GMDS: variants seen among roughly 807,000 people sequenced by gnomAD.
GMDS encodes GDP-mannose 4,6-dehydratase, also known as GDP-mannose 4,6 dehydratase.
GMDS carries 20 observed loss-of-function variants against 49.9 expected under a neutral mutation model. That is an observed-to-expected ratio of 0.40 (90% CI 0.28 to 0.58). GMDS has a LOEUF of 0.58. Among genes scored for constraint, GMDS ranks in the 20% least tolerant of loss-of-function variants. GMDS has a pLI of 0.42. For synonymous variants in GMDS, 177 were observed against 178.6 expected (o/e 0.99, Z 0.07); for missense variants, 362 against 481.4 (o/e 0.75, Z 2.32).
chr6:2,027,519 T>A (rs1768673955), intron 4 of GMDS, among the ~76,000 whole-genome samples: 1 of 152,006 alleles, frequency 6.6e-6, no homozygotes, highest in Non-Finnish European at 1.5e-5. Flanking sequence ...GAGAAAAGTG[T>A]TAGGGTTTGG....
chr6:2,225,109 C>A (rs907247587), intron 1 of GMDS, among the ~76,000 whole-genome samples: 2 of 150,340 alleles, frequency 1.3e-5, no homozygotes, highest in African/African-American at 4.9e-5. Context: ...CGCTTGGGCC[C>A]AGGAATTCAA....
intron 7 of GMDS, among the ~76,000 whole-genome samples, chr6:1,907,830 T>C (rs576471614): frequency 3.3e-5 from 5 of 152,202 alleles, no homozygotes; most frequent in Non-Finnish European, 7.3e-5. Flanking sequence ...AAATGAACTA[T>C]ACAGTTCTCC....
At chr6:2,087,195 T>C (rs938473318) in intron 4 of GMDS, among the ~76,000 whole-genome samples, 2 of 152,152 alleles carry the variant, frequency 1.3e-5, no homozygotes, top group Non-Finnish European at 2.9e-5. Flanking sequence ...CAGGATAGAT[T>C]AGATGGACAA....
chr6:2,233,210 C>T (rs762078144), intron 1 of GMDS, among the ~76,000 whole-genome samples: 7 of 152,204 alleles, frequency 4.6e-5, no homozygotes, highest in Non-Finnish European at 1.0e-4. Flanking sequence ...TTTGTTCTCT[C>T]TCCTCTCCCC....
intron 4 of GMDS, among the ~76,000 whole-genome samples, chr6:1,977,481 C>G (rs1007295282): frequency 1.3e-5 from 2 of 152,102 alleles, no homozygotes; most frequent in African/African-American, 4.8e-5. Flanking sequence ...GGAGAGGCAC[C>G]AATTAGAAGC....
In GMDS at chr6:1,726,525, T is replaced by C. The variant is rs982626565; in HGVS notation, c.891-13A>G. The C allele has an allele frequency of 6.4e-7, 1 of 1,568,138 alleles. No homozygotes were observed. Among genetic ancestry groups the C allele is most frequent in the East Asian group, 2.2e-5 (1 of 44,662 alleles). Reference sequence around the variant, plus strand: ...CTTTCCTTCCCACCTGTAAGGAAGATAAACACTGAATCAGCTCCTAATTGC... The same window carrying C: ...CTTTCCTTCCCACCTGTAAGGAAGACAAACACTGAATCAGCTCCTAATTGC... On this transcript the variant is annotated splice_polypyrimidine_tract_variant and intron_variant, in intron 8 of 10. Coordinates refer to ENST00000380815, the MANE Select transcript of GMDS (RefSeq NM_001500.4).
rs1339589780 is a variant in GMDS, at chr6:2,191,557, T to C, written c.102+53764A>G. On this transcript the variant is annotated intron_variant, in intron 1 of 10. Transcript: ENST00000380815. This position sits in a 1 kb window ranked among gnomAD's most constrained non-coding sequence, Gnocchi z 4.6. ...TTGCCCTTGCAGGCTCGGAGGTGCCTACCTCCACTGTCTGGCCTCTCCCCG... is the reference window on the plus strand; with the variant it reads ...TTGCCCTTGCAGGCTCGGAGGTGCCCACCTCCACTGTCTGGCCTCTCCCCG... Among the ~76,000 whole-genome samples, 1 of 152,170 alleles carries C rather than the reference T, an allele frequency of 6.6e-6. No individual in the cohort carries two copies. The highest frequency in any genetic ancestry group is 2.4e-5 in the African/African-American group (1 of 41,456).
At chr6:1,864,783 CAGGCTAAGCTGAGCAGCAAACACCCGACA>C (rs1385872105) in intron 7 of GMDS, among the ~76,000 whole-genome samples, 1 of 152,162 alleles carries the variant, frequency 6.6e-6, no homozygotes. Flanking sequence ...GTAGGCTTGT[CAGGCTAAGCTGAGCAGCAAACACCCGACA>C]AGGCTGAGCT....
chr6:1,890,821 G>A (rs1279958105), intron 7 of GMDS, among the ~76,000 whole-genome samples: 2 of 152,168 alleles, frequency 1.3e-5, no homozygotes, highest in African/African-American at 4.8e-5. Flanking sequence ...ATTTAGCAGG[G>A]TGGATTAAGG....
chr6:1,992,374 C>T (rs1371479004), intron 4 of GMDS, among the ~76,000 whole-genome samples: 1 of 152,142 alleles, frequency 6.6e-6, no homozygotes, highest in Non-Finnish European at 1.5e-5. Context: ...TCCACTCCTC[C>T]CTCCCCTTCT....
chr6:2,237,803 T>C (rs1781433366), intron 1 of GMDS, among the ~76,000 whole-genome samples: 1 of 152,134 alleles, frequency 6.6e-6, no homozygotes, highest in South Asian at 2.1e-4. Context: ...ATTACAGGCA[T>C]GAGCCACCTC....
intron 7 of GMDS, among the ~76,000 whole-genome samples, chr6:1,807,832 G>A (rs999904109): frequency 1.3e-5 from 2 of 152,046 alleles, no homozygotes; most frequent in African/African-American, 4.8e-5. Context: ...TAATCATAAG[G>A]ATTAAGGCAA....
intron 7 of GMDS, among the ~76,000 whole-genome samples, chr6:1,928,350 C>T (rs535301747): frequency 4.1e-5 from 6 of 146,706 alleles, no homozygotes; most frequent in Non-Finnish European, 8.9e-5. Flanking sequence ...GGCAACAGAG[C>T]GAGACTCTGC....
intron 1 of GMDS, among the ~76,000 whole-genome samples, chr6:2,184,852 C>T (rs1778708656): frequency 6.6e-6 from 1 of 152,204 alleles, no homozygotes; most frequent in Non-Finnish European, 1.5e-5. Flanking sequence ...AATCAGCACA[C>T]AACTGTCAGC....
intron 7 of GMDS, among the ~76,000 whole-genome samples, chr6:1,796,565 T>C (rs1317829251): frequency 6.6e-6 from 1 of 152,192 alleles, no homozygotes; most frequent in East Asian, 1.9e-4. Context: ...TTGGAAAATT[T>C]CCTTGGGATA....
chr6:2,175,244 CAT>C (rs1778219220), intron 1 of GMDS, among the ~76,000 whole-genome samples: 1 of 152,004 alleles, frequency 6.6e-6, no homozygotes, highest in African/African-American at 2.4e-5. Context: ...GAGAACAGCA[CAT>C]GTTATGCAAT....
rs769692999 is a variant in GMDS, at chr6:1,635,950, A to C, written c.988-11410T>G. 2.0e-5 allele frequency among the ~76,000 whole-genome samples: 3 copies of C among 152,124 alleles called. No homozygotes were observed. Among genetic ancestry groups the C allele is most frequent in the African/African-American group, 4.8e-5 (2 of 41,410 alleles). ...ACTGTTTGGTTAGAGCCCTTTCCTC[A>C]CAAGGCACTTTTCCTACGTCGCATT... On this transcript the variant is annotated intron_variant, in intron 9 of 10. Coordinates refer to ENST00000380815, the MANE Select transcript of GMDS (RefSeq NM_001500.4). This position sits in a 1 kb window ranked among gnomAD's most constrained non-coding sequence, Gnocchi z 4.7.
chr6:1,783,802 A>G (rs1292883095), intron 7 of GMDS, among the ~76,000 whole-genome samples: 2 of 152,216 alleles, frequency 1.3e-5, no homozygotes, highest in African/African-American at 4.8e-5. Context: ...ATTCACATTA[A>G]TAAGCTTCAA....
chr6:1,780,095 G>A (rs1769019010), intron 7 of GMDS, among the ~76,000 whole-genome samples: 1 of 152,236 alleles, frequency 6.6e-6, no homozygotes, highest in Non-Finnish European at 1.5e-5. Context: ...AATCGAAAAA[G>A]AGCGAAGTGA....
Sources: gnomAD v4.1 joint callset for allele counts (sites outside exome capture counted in the v4.1 genomes callset) on GRCh38, gnomAD v4.1.1 for gene constraint, Gnocchi (gnomAD v3.1) non-coding constraint, MANE v1.5 for transcripts, NCBI Gene and HGNC (gene_info 2026-07-23, HGNC 2026-07-21) for gene names.